PTPN4: variants seen among roughly 807,000 people sequenced by gnomAD.
The protein encoded by PTPN4 is protein tyrosine phosphatase non-receptor type 4.
Under a neutral mutation model 135.5 loss-of-function variants are expected in PTPN4, and 49 were observed. The observed-to-expected ratio is 0.36, with a 90% CI of 0.29 to 0.46. The LOEUF (loss-of-function observed/expected upper bound fraction) is 0.46, where lower values mean the gene tolerates loss of function less well. Among genes scored for constraint, PTPN4 ranks in the 20% least tolerant of loss-of-function variants. The probability of loss-of-function intolerance (pLI) is 1.00; values close to 1 mark genes in which losing one functional copy is unlikely to be tolerated. For synonymous variants in PTPN4, 333 were observed against 369.9 expected (o/e 0.90, Z 1.14); for missense variants, 860 against 1,101.0 (o/e 0.78, Z 3.10).
intron 1 of PTPN4, among the ~76,000 whole-genome samples, chr2:119,793,387 A>G (rs548964835): frequency 2.0e-5 from 3 of 152,284 alleles, no homozygotes; most frequent in South Asian, 2.1e-4. Flanking sequence ...TCCCCTGAAC[A>G]TCGCTGTTAT....
At chr2:119,806,858 C>G (rs1691479581) in intron 1 of PTPN4, among the ~76,000 whole-genome samples, 1 of 152,136 alleles carries the variant, frequency 6.6e-6, no homozygotes, top group East Asian at 1.9e-4. Flanking sequence ...TGTAAAAGAA[C>G]AGAAATCACA....
intron 1 of PTPN4, among the ~76,000 whole-genome samples, chr2:119,795,245 G>A (rs1691231548): frequency 6.6e-6 from 1 of 152,160 alleles, no homozygotes; most frequent in African/African-American, 2.4e-5. Flanking sequence ...TCCCACTCTG[G>A]TCCATGGGAC....
intron 2 of PTPN4, among the ~76,000 whole-genome samples, chr2:119,835,265 A>G (rs1677274438): frequency 6.6e-6 from 1 of 152,062 alleles, no homozygotes; most frequent in Non-Finnish European, 1.5e-5. Context: ...GCTCACTGCA[A>G]CCTTCGTCCC....
intron 2 of PTPN4, among the ~76,000 whole-genome samples, chr2:119,854,969 T>C (rs1677654019): frequency 6.6e-6 from 1 of 152,172 alleles, no homozygotes; most frequent in Non-Finnish European, 1.5e-5. Context: ...GCCTGTCTAT[T>C]TTGTGCTACT....
At chr2:119,838,443 C>G (rs754496887) in intron 2 of PTPN4, among the ~76,000 whole-genome samples, 2 of 152,204 alleles carry the variant, frequency 1.3e-5, no homozygotes, top group Non-Finnish European at 2.9e-5. Flanking sequence ...TGGAAACATA[C>G]TACCTTCCAA....
chr2:119,964,690 T>C (rs1679421946), intron 24 of PTPN4, among the ~76,000 whole-genome samples: 1 of 152,224 alleles, frequency 6.6e-6, no homozygotes, highest in Non-Finnish European at 1.5e-5. Flanking sequence ...AAAAGAGTAG[T>C]AATGTAATTA....
chr2:119,873,321 G>A lies in PTPN4; in HGVS notation c.247-4002G>A, dbSNP rs534867877. ...GAAAATGGTCGAAAGAGTTTTGAAA[G>A]CAGCAAGAGAAAGAGAAAAGTGACT... On this transcript the variant is annotated intron_variant, in intron 3 of 26. Transcript: ENST00000263708. Among the ~76,000 whole-genome samples the A allele has an allele frequency of 1.1e-4, 16 of 152,244 alleles. No individual in the cohort carries two copies. In the South Asian group the frequency reaches 3.3e-3, roughly 32 times the overall value.
rs1679697055 is a variant in PTPN4, at chr2:119,981,661, G to A, written c.*4591G>A. ...CAGTAAATTAATCCCTAATTTGTAT[G>A]TTTTTTGTTCAACTTACCGTGTCTG... is the stretch of plus-strand genomic sequence containing the variant. On this transcript the variant is annotated 3_prime_UTR_variant, in exon 27 of 27. Coordinates refer to ENST00000263708, the MANE Select transcript of PTPN4 (RefSeq NM_002830.4). 1 of 151,964 alleles carries A rather than the reference G, an allele frequency of 6.6e-6. No individual in the cohort carries two copies. The highest frequency in any genetic ancestry group is 1.5e-5 in the Non-Finnish European group (1 of 67,928). 9.4% of individuals were successfully genotyped at this position (151,964 alleles called of 1,614,324 possible). A position where few individuals can be genotyped will look rare whatever the true frequency, so the allele number is the denominator to read the frequency against.
intron 1 of PTPN4, among the ~76,000 whole-genome samples, chr2:119,780,618 T>C (rs142685660): frequency 3.2e-4 from 49 of 152,356 alleles, no homozygotes; most frequent in Middle Eastern, 3.4e-3. Flanking sequence ...ATTTCATCAC[T>C]AGATTCAAGT....
intron 2 of PTPN4, among the ~76,000 whole-genome samples, chr2:119,835,755 C>T (rs1199332291): frequency 6.6e-6 from 1 of 152,052 alleles, no homozygotes; most frequent in Non-Finnish European, 1.5e-5. Flanking sequence ...TGTCCATCTT[C>T]AGGAGAGCAT....
chr2:119,793,846 GTTTTTTTTTTTTT>G (rs55956611), intron 1 of PTPN4, among the ~76,000 whole-genome samples: 15 of 24,804 alleles, frequency 6.0e-4, no homozygotes, highest in South Asian at 4.1e-3. Context: ...TTCATTTTTA[GTTTTTTTTTTTTT>G]TTTTTTTTTT....
chr2:119,844,283 AC>A (rs1167693562), intron 2 of PTPN4, among the ~76,000 whole-genome samples: 2 of 91,812 alleles, frequency 2.2e-5, no homozygotes, highest in African/African-American at 8.5e-5. Context: ...CGGAGGGCTC[AC>A]CCCCCCACCT....
At chr2:119,836,745 C>T (rs1677300334) in intron 2 of PTPN4, among the ~76,000 whole-genome samples, 1 of 152,240 alleles carries the variant, frequency 6.6e-6, no homozygotes, top group African/African-American at 2.4e-5. Context: ...TCGCTCCCAG[C>T]GCCTGCTCCA....
intron 18 of PTPN4, among the ~76,000 whole-genome samples, chr2:119,946,981 G>C (rs889379828): frequency 6.6e-6 from 1 of 151,986 alleles, no homozygotes; most frequent in African/African-American, 2.4e-5. Context: ...GATACTACAA[G>C]GATAATTTTT....
chr2:119,969,976 AGCCG>A (rs1448219951), intron 26 of PTPN4, among the ~76,000 whole-genome samples: 2 of 152,244 alleles, frequency 1.3e-5, no homozygotes, highest in African/African-American at 4.8e-5. Flanking sequence ...CATAAAATTC[AGCCG>A]CTTAAAGTAT....
chr2:119,962,717 C>T lies in PTPN4; in HGVS notation c.2382C>T (p.Phe794=). The change falls in exon 24 of 27, where the codon TTC becomes TTT. Residue 794 remains phenylalanine, a synonymous_variant. Coordinates refer to ENST00000263708, the MANE Select transcript of PTPN4 (RefSeq NM_002830.4). ...HSEEGNTAYI[F]RKMTLFNQEK... ...AAGAAGGAAACACTGCCTATATCTT[C>T]AGGAAGATGACCCTATTTAACCAAG... 1 of 1,586,346 alleles carries T rather than the reference C, an allele frequency of 6.3e-7. No homozygotes were observed. Among genetic ancestry groups the T allele is most frequent in the Non-Finnish European group, 8.6e-7 (1 of 1,161,264 alleles).
chr2:119,924,863 CA>C (rs1302363735), intron 12 of PTPN4, among the ~76,000 whole-genome samples: 1 of 151,864 alleles, frequency 6.6e-6, no homozygotes, highest in Non-Finnish European at 1.5e-5. Flanking sequence ...GTATTTCAAA[CA>C]AAAGCAATTT....
intron 11 of PTPN4, among the ~76,000 whole-genome samples, chr2:119,919,779 G>A (rs1349320089): frequency 1.4e-5 from 2 of 147,534 alleles, no homozygotes; most frequent in African/African-American, 2.5e-5. Context: ...AGCCAAGATC[G>A]TGCCACTGCA....
At chr2:119,920,290 T>C (rs1313440590) in intron 12 of PTPN4, 49 bp downstream of exon 12, 1 of 1,511,292 alleles carries the variant, frequency 6.6e-7, no homozygotes, top group South Asian at 1.3e-5. Context: ...TTTGTTTCCT[T>C]TCTTTAAAAT....
Sources: allele counts gnomAD v4.1 joint callset (sites outside exome capture counted in the v4.1 genomes callset), GRCh38; gene constraint gnomAD v4.1.1; transcripts MANE v1.5; gene names NCBI Gene and HGNC (gene_info 2026-07-23, HGNC 2026-07-21).